The following LTBP2 variants were observed in gnomAD, a reference collection of about 807,000 sequenced individuals.
The protein encoded by LTBP2 is latent transforming growth factor beta binding protein 2, also known as latent-transforming growth factor beta-binding protein 2.
In LTBP2, 103 loss-of-function variants were observed where a neutral mutation model predicts 210.6. The observed-to-expected ratio is 0.49, with a 90% CI of 0.42 to 0.58. The LOEUF (loss-of-function observed/expected upper bound fraction) is 0.58, where lower values mean the gene tolerates loss of function less well. Among genes scored for constraint, LTBP2 ranks in the 20% least tolerant of loss-of-function variants. The probability of loss-of-function intolerance (pLI) is 0.00; values close to 1 mark genes in which losing one functional copy is unlikely to be tolerated. For missense variants in LTBP2, 2,313 were observed against 2,494.5 expected (o/e 0.93, Z 1.55); for synonymous variants, 1,007 against 1,015.0 (o/e 0.99, Z 0.15).
At chr14:74,608,721 AAAAAAAAG>A (rs1293889815) in intron 1 of LTBP2, among the ~76,000 whole-genome samples, 6 of 143,036 alleles carry the variant, frequency 4.2e-5, no homozygotes, top group South Asian at 2.2e-4. Flanking sequence ...AAAAGAAAAA[AAAAAAAAG>A]AAAAAAAGAA....
chr14:74,553,080 G>C lies in LTBP2; in HGVS notation c.1022-18C>G, dbSNP rs950216116. The C allele has an allele frequency of 4.3e-6, 7 of 1,613,354 alleles. No homozygotes were observed. The highest frequency in any genetic ancestry group is 5.9e-6 in the Non-Finnish European group (7 of 1,179,578). ...GTTCAGCCCTGCAGAGAGAGGGCTT[G>C]GGTCCAGGGGGCAGGGCTGAGAGGC... On this transcript the variant is annotated intron_variant, in intron 4 of 35. Transcript: ENST00000261978.
intron 3 of LTBP2, among the ~76,000 whole-genome samples, chr14:74,572,169 T>C (rs556853363): frequency 1.9e-4 from 29 of 152,222 alleles, no homozygotes; most frequent in South Asian, 4.1e-4. Context: ...AGCAGCCTCA[T>C]ACAACACAGT....
intron 26 of LTBP2, 37 bp downstream of exon 26, chr14:74,507,142 C>A: frequency 6.2e-7 from 1 of 1,613,990 alleles, no homozygotes; most frequent in Non-Finnish European, 8.5e-7. Context: ...TAGGTTTTCT[C>A]AGCCCTCTCT....
intron 17 of LTBP2, 122 bp downstream of exon 17, chr14:74,521,789 A>G: frequency 7.5e-7 from 1 of 1,337,778 alleles, no homozygotes; most frequent in Non-Finnish European, 1.1e-6. Flanking sequence ...CTCCTCCTTC[A>G]CTCCTTCAGC....
At chr14:74,509,683 G>A (rs1000765237) in intron 21 of LTBP2, 51 bp downstream of exon 21, 27 of 1,612,690 alleles carry the variant, frequency 1.7e-5, no homozygotes, top group Non-Finnish European at 2.2e-5. Flanking sequence ...TCTTTGGGAG[G>A]TAAGACAGCC....
At chr14:74,598,218 G>A (rs1388063589) in intron 2 of LTBP2, among the ~76,000 whole-genome samples, 2 of 152,212 alleles carry the variant, frequency 1.3e-5, no homozygotes, top group African/African-American at 2.4e-5. Flanking sequence ...CATGAATGGG[G>A]CAAACAGGCT....
chr14:74,555,573 C>T lies in LTBP2; in HGVS notation c.951G>A (p.Pro317=), dbSNP rs535723481. The T allele has an allele frequency of 8.6e-5, 138 of 1,612,310 alleles. 1 individual carries two copies. The Admixed American group carries it at 1.6e-3, about 19-fold the overall frequency. ...SSQLSSNALP[P]GPGLEQRDGT... is the part of the protein sequence containing the mutation. ...CATCTCTCTGCTCAAGGCCTGGTCCCGGGGGCAGGGCGTTGGAAGAGAGCT... is the reference window on the plus strand; with the variant it reads ...CATCTCTCTGCTCAAGGCCTGGTCCTGGGGGCAGGGCGTTGGAAGAGAGCT... Residue 317 remains proline, a synonymous_variant, in exon 4 of 36, where the codon CCG becomes CCA. Coordinates refer to ENST00000261978, the MANE Select transcript of LTBP2 (RefSeq NM_000428.3).
chr14:74,510,287 A>G (rs533189968), intron 19 of LTBP2, 74 bp from the exon 20 acceptor site: 2 of 1,596,108 alleles, frequency 1.3e-6, no homozygotes, highest in African/African-American at 1.3e-5. Context: ...GGCTCCAAGC[A>G]TCTCAGTTAT....
At chr14:74,564,093 ATATATT>A (rs2087839668) in intron 3 of LTBP2, among the ~76,000 whole-genome samples, 1 of 48,058 alleles carries the variant, frequency 2.1e-5, no homozygotes, top group African/African-American at 8.4e-5. Flanking sequence ...ATATTTATAT[ATATATT>A]TATATATATA....
intron 3 of LTBP2, among the ~76,000 whole-genome samples, chr14:74,563,081 A>C (rs1373341644): frequency 6.6e-6 from 1 of 152,086 alleles, no homozygotes; most frequent in Admixed American, 6.5e-5. Context: ...CACCACCATG[A>C]CCACACAGCC....
chr14:74,503,097 G>C, intron 33 of LTBP2, 122 bp downstream of exon 33: 2 of 1,514,020 alleles, frequency 1.3e-6, no homozygotes, highest in Non-Finnish European at 1.8e-6. Flanking sequence ...CCAAACAGCA[G>C]GGATGGAAGA....
At chr14:74,580,474 G>A (rs1269214958) in intron 3 of LTBP2, among the ~76,000 whole-genome samples, 1 of 152,136 alleles carries the variant, frequency 6.6e-6, no homozygotes, top group African/African-American at 2.4e-5. Context: ...GCGGGGTCAA[G>A]GTCATGCAGC....
chr14:74,507,166 C>T lies in LTBP2; in HGVS notation c.3907+13G>A, dbSNP rs1166049460. On this transcript the variant is annotated intron_variant, in intron 26 of 35. Transcript: ENST00000261978. Reference sequence around the variant, plus strand: ...TCAGCCCTCTCTCCTCTCTCTCCTCCCTCCCTACTCACCAATGCAGTCTCC... The same window carrying T: ...TCAGCCCTCTCTCCTCTCTCTCCTCTCTCCCTACTCACCAATGCAGTCTCC... The T allele has an allele frequency of 6.2e-7, 1 of 1,614,028 alleles. No individual in the cohort carries two copies. The highest frequency in any genetic ancestry group is 8.5e-7 in the Non-Finnish European group (1 of 1,180,012).
At chr14:74,519,571 T>C (rs1371195895) in intron 17 of LTBP2, among the ~76,000 whole-genome samples, 2 of 151,908 alleles carry the variant, frequency 1.3e-5, no homozygotes, top group Non-Finnish European at 2.9e-5. Flanking sequence ...TATCAAATCA[T>C]TGAGGTAATG....
Position 74,504,904 on chromosome 14 carries a change from C to T in LTBP2, c.4370-43G>A, listed in dbSNP as rs527324392. ...TCAGCTCAGAGTGGGGAGGGCCCTG[C>T]CCCCTTCCTCTCTCCCCTTCTTTCA... On this transcript the variant is annotated intron_variant, in intron 29 of 35. Transcript: ENST00000261978. 115 of 1,612,302 alleles carry T rather than the reference C, an allele frequency of 7.1e-5. 1 individual carries two copies. The South Asian group carries it at 1.2e-3, about 16-fold the overall frequency.
At position 74,521,978 on chromosome 14, in the gene LTBP2, C is replaced by A; in HGVS notation, c.2721G>T (p.Gly907=). 6.2e-7 allele frequency: 1 copy of A among 1,614,154 alleles called. No individual in the cohort carries two copies. Among genetic ancestry groups the A allele is most frequent in the African/African-American group, 1.3e-5 (1 of 75,060 alleles). ...KGKGRCINRV[G]SYSCFCYPGY... is the part of the protein sequence containing the mutation. ...CAGGGTAGCAGAAGCAGGAGTAGGA[C>A]CCCACGCGGTTGATGCAGCGCCCTT... Residue 907 remains glycine, a synonymous_variant, in exon 17 of 36, where the codon GGG becomes GGT. Transcript: ENST00000261978.
In LTBP2 at chr14:74,529,183, G is replaced by A. The variant is rs1283712362; in HGVS notation, c.1988-61C>T. The A allele has an allele frequency of 1.9e-6, 3 of 1,539,512 alleles. No individual in the cohort carries two copies. In the East Asian group the frequency reaches 7.3e-5, roughly 38 times the overall value. On this transcript the variant is annotated intron_variant, in intron 10 of 35. Transcript: ENST00000261978. ...GCCAGTGGGAGGGGAATGCGCAGCTGGGAGGGCAGTGGATGGAGGTGTGGC... is the reference window on the plus strand; with the variant it reads ...GCCAGTGGGAGGGGAATGCGCAGCTAGGAGGGCAGTGGATGGAGGTGTGGC...
At chr14:74,531,280 G>A (rs543540537) in intron 10 of LTBP2, among the ~76,000 whole-genome samples, 9 of 152,246 alleles carry the variant, frequency 5.9e-5, no homozygotes, top group African/African-American at 1.9e-4. Context: ...CAGGGACAGA[G>A]AGGGAAAAAA....
At position 74,555,321 on chromosome 14, in the gene LTBP2, G is replaced by A. The variant is rs552199359; in HGVS notation, c.1021+182C>T. 2.0e-5 allele frequency among the ~76,000 whole-genome samples: 3 copies of A among 152,230 alleles called. No homozygotes were observed. The East Asian group carries it at 5.8e-4, about 29-fold the overall frequency. ...CAACGGGGTGAAGTCCAGGTCCACC[G>A]GTTTAGGACCCCTGGACCCCGGCAC... On this transcript the variant is annotated intron_variant, in intron 4 of 35. Transcript: ENST00000261978.
Sources: allele counts gnomAD v4.1 joint callset (sites outside exome capture counted in the v4.1 genomes callset), GRCh38; gene constraint gnomAD v4.1.1; transcripts MANE v1.5; gene names NCBI Gene and HGNC (gene_info 2026-07-23, HGNC 2026-07-21).